Variants in ADAMTS2 observed in about 807,000 individuals in gnomAD.
ADAMTS2 encodes ADAM metallopeptidase with thrombospondin type 1 motif 2.
In ADAMTS2, 50 loss-of-function variants were observed where a neutral mutation model predicts 123.0. The observed-to-expected ratio is 0.41, with a 90% CI of 0.32 to 0.51. The LOEUF (loss-of-function observed/expected upper bound fraction) is 0.51, where lower values mean the gene tolerates loss of function less well. Ranked by LOEUF, ADAMTS2 falls within the 20% of genes least tolerant of loss-of-function variation. The pLI, the probability that ADAMTS2 is intolerant of heterozygous loss-of-function variation, is 0.35. For missense variants in ADAMTS2, 1,494 were observed against 1,705.2 expected, an observed-to-expected ratio of 0.88 and a Z score of 2.18; for synonymous variants, 678 against 695.4, an observed-to-expected ratio of 0.98 and a Z score of 0.39.
chr5:179,230,211 G>A (rs1207874227), intron 3 of ADAMTS2, among the ~76,000 whole-genome samples: 2 of 152,300 alleles, frequency 1.3e-5, no homozygotes, highest in East Asian at 3.9e-4. Context: ...GCGTGAGGTG[G>A]GCAGGCAGGG....
chr5:179,168,892 A>T lies in ADAMTS2; in HGVS notation c.976-10013T>A, dbSNP rs933995669. Among the ~76,000 whole-genome samples the T allele has an allele frequency of 3.3e-5, 5 of 152,216 alleles. No individual in the cohort carries two copies. In the South Asian group the frequency reaches 6.2e-4, roughly 19 times the overall value. On this transcript the variant is annotated intron_variant, in intron 5 of 21. Transcript: ENST00000251582. ...ACGAGAGCTGGGGCAGGAGGCGTGC[A>T]CCTCATTTCTCTGCCAGAACTCCCA...
At chr5:179,196,044 A>C (rs1764423821) in intron 4 of ADAMTS2, among the ~76,000 whole-genome samples, 1 of 152,152 alleles carries the variant, frequency 6.6e-6, no homozygotes, top group South Asian at 2.1e-4. Flanking sequence ...CGACCAGCTG[A>C]AAACACTCCT....
chr5:179,131,652 C>T (rs1762965023), intron 15 of ADAMTS2, among the ~76,000 whole-genome samples: 1 of 152,096 alleles, frequency 6.6e-6, no homozygotes, highest in Admixed American at 6.5e-5. Flanking sequence ...GAGAGCCTCC[C>T]GCGTGGCCTG....
chr5:179,147,790 A>G (rs1581152446), intron 10 of ADAMTS2, among the ~76,000 whole-genome samples: 1 of 152,214 alleles, frequency 6.6e-6, no homozygotes, highest in African/African-American at 2.4e-5. Flanking sequence ...AGGCCATTCT[A>G]ATGGCACCCA....
intron 3 of ADAMTS2, among the ~76,000 whole-genome samples, chr5:179,208,143 A>T (rs1764757730): frequency 2.4e-5 from 2 of 84,236 alleles, no homozygotes; most frequent in Non-Finnish European, 4.4e-5. Flanking sequence ...GGGCAGAGCC[A>T]CCCCTTGCCC....
intron 3 of ADAMTS2, among the ~76,000 whole-genome samples, chr5:179,255,206 G>T (rs1205422281): frequency 1.3e-5 from 2 of 152,174 alleles, no homozygotes; most frequent in Non-Finnish European, 2.9e-5. Context: ...TGAATGGATG[G>T]ACGGATGACA....
rs1756000462 is a variant in ADAMTS2 at position 179,285,670 on chromosome 5, G to A, written c.535-12606C>T. Among the ~76,000 whole-genome samples the A allele has an allele frequency of 6.6e-6, 1 of 152,178 alleles. No individual in the cohort carries two copies. Among genetic ancestry groups the A allele is most frequent in the Non-Finnish European group, 1.5e-5 (1 of 68,028 alleles). On this transcript the variant is annotated intron_variant, in intron 2 of 21. Transcript: ENST00000251582. The surrounding 1 kb of genome is among the most constrained non-coding windows in gnomAD (Gnocchi z 4.9). ...AGATTCTCTGGCTGACATTTCCCAG[G>A]TCTCGTTCAGCATGAAGCCCACGTC...
At chr5:179,137,714 C>CCCCCCCCAGGG in intron 12 of ADAMTS2, 55 bp downstream of exon 12, 2 of 1,297,872 alleles carry the variant, frequency 1.5e-6, no homozygotes, top group Non-Finnish European at 2.1e-6. Flanking sequence ...CCCCACCCTG[C>CCCCCCCCAGGG]CCACCCTAGG....
At chr5:179,241,738 T>C (rs1679617408) in intron 3 of ADAMTS2, among the ~76,000 whole-genome samples, 2 of 152,262 alleles carry the variant, frequency 1.3e-5, no homozygotes, top group Admixed American at 6.5e-5. Flanking sequence ...AAAGAGATAA[T>C]GCACATGAAG....
intron 3 of ADAMTS2, among the ~76,000 whole-genome samples, chr5:179,227,501 C>T (rs960166575): frequency 6.6e-6 from 1 of 152,160 alleles, no homozygotes; most frequent in Non-Finnish European, 1.5e-5. Flanking sequence ...TGGGTGCTGG[C>T]ACGGCAGTAT....
Position 179,129,375 on chromosome 5 carries a change from T to C in ADAMTS2, c.2457+557A>G, listed in dbSNP as rs1311305240. Among the ~76,000 whole-genome samples the C allele has an allele frequency of 6.6e-6, 1 of 152,226 alleles. No homozygotes were observed. Among genetic ancestry groups the C allele is most frequent in the Non-Finnish European group, 1.5e-5 (1 of 68,044 alleles). On this transcript the variant is annotated intron_variant, in intron 16 of 21. Coordinates refer to ENST00000251582, the MANE Select transcript of ADAMTS2 (RefSeq NM_014244.5). The surrounding 1 kb of genome is among the most constrained non-coding windows in gnomAD (Gnocchi z 4.1). ...CAGAGCATGGGAGCCTTATTTGTGA[T>C]ATGTACCTTTTTTGACAAATAAAAT...
chr5:179,205,786 T>TATTATTATTA (rs141328524), intron 4 of ADAMTS2, among the ~76,000 whole-genome samples: 2 of 150,356 alleles, frequency 1.3e-5, no homozygotes, highest in South Asian at 2.1e-4. Context: ...TTATTATTAT[T>TATTATTATTA]TTTGAGACGG....
Position 179,128,608 on chromosome 5 carries a change from G to A in ADAMTS2, c.2458-490C>T, listed in dbSNP as rs1025349137. On this transcript the variant is annotated intron_variant, in intron 16 of 21. Coordinates refer to ENST00000251582, the MANE Select transcript of ADAMTS2 (RefSeq NM_014244.5). This position sits in a 1 kb window ranked among gnomAD's most constrained non-coding sequence, Gnocchi z 4.9. ...GGGCTTCCCCATGTTGGCCAGGCTG[G>A]TCTTGAACTCCTGACCTCAAGTGAT... 6.6e-6 allele frequency among the ~76,000 whole-genome samples: 1 copy of A among 152,068 alleles called. No individual in the cohort carries two copies. The highest frequency in any genetic ancestry group is 1.5e-5 in the Non-Finnish European group (1 of 68,028).
Position 179,154,058 on chromosome 5 carries a change from C to A in ADAMTS2, c.1373G>T (p.Arg458Leu), listed in dbSNP as rs768230986. 1.1e-5 allele frequency: 17 copies of A among 1,602,458 alleles called. No individual in the cohort carries two copies. Among genetic ancestry groups the A allele is most frequent in the Non-Finnish European group, 1.4e-5 (17 of 1,177,280 alleles). Residue 458 changes from arginine to leucine, a missense_variant, in exon 8 of 22, where the codon CGC (arginine) becomes CTC (leucine). Transcript: ENST00000251582. ...WSRCSQQELS[R>L]YLHSYDCLLD... Reference sequence around the variant, plus strand: ...CATGGGCAGTACTCACTGCAGGTAGCGGCTCAGCTCCTGCTGGCTGCAGCG... The same window carrying A: ...CATGGGCAGTACTCACTGCAGGTAGAGGCTCAGCTCCTGCTGGCTGCAGCG...
intron 5 of ADAMTS2, among the ~76,000 whole-genome samples, chr5:179,159,792 C>T (rs540967296): frequency 3.3e-5 from 5 of 152,280 alleles, no homozygotes; most frequent in Non-Finnish European, 5.9e-5. Flanking sequence ...GAATTGAGAT[C>T]GGATCCCAAG....
At position 179,162,922 on chromosome 5, in the gene ADAMTS2, G is replaced by A. The variant is rs143131191; in HGVS notation, c.976-4043C>T. 3.4e-4 allele frequency among the ~76,000 whole-genome samples: 52 copies of A among 152,332 alleles called. No individual in the cohort carries two copies. In the East Asian group the frequency reaches 9.7e-3, roughly 28 times the overall value. ...GACACTCGCTGGCCCATGAAAGATG[G>A]CGTCTGATCTGGGGGCAGCTGATAT... On this transcript the variant is annotated intron_variant, in intron 5 of 21. Coordinates refer to ENST00000251582, the MANE Select transcript of ADAMTS2 (RefSeq NM_014244.5). This position sits in a 1 kb window ranked among gnomAD's most constrained non-coding sequence, Gnocchi z 5.1.
chr5:179,149,548 G>A (rs1301103493), intron 10 of ADAMTS2, among the ~76,000 whole-genome samples: 4 of 152,190 alleles, frequency 2.6e-5, no homozygotes, highest in Non-Finnish European at 5.9e-5. Flanking sequence ...AAGGAGCCAC[G>A]CAGTGGTCCT....
In ADAMTS2 at chr5:179,138,017, T is replaced by A. The variant is rs867519433; in HGVS notation, c.1776-73A>T. On this transcript the variant is annotated intron_variant, in intron 11 of 21. Coordinates refer to ENST00000251582, the MANE Select transcript of ADAMTS2 (RefSeq NM_014244.5). ...GCAGCACCCGGGTGCCCTTGTGAGA[T>A]CTTTTTAGGGGGGATCCCTAAGTCT... The A allele has an allele frequency of 6.7e-6, 10 of 1,497,736 alleles. No homozygotes were observed. In the Middle Eastern group the frequency reaches 6.8e-4, roughly 102 times the overall value. 92.8% of individuals were successfully genotyped at this position (1,497,736 alleles called of 1,614,324 possible).
chr5:179,181,839 A>G lies in ADAMTS2; in HGVS notation c.892-684T>C, dbSNP rs1465634712. Among the ~76,000 whole-genome samples the G allele has an allele frequency of 6.6e-6, 1 of 152,150 alleles. No individual in the cohort carries two copies. The highest frequency in any genetic ancestry group is 1.5e-5 in the Non-Finnish European group (1 of 68,024). On this transcript the variant is annotated intron_variant, in intron 4 of 21. Transcript: ENST00000251582. The surrounding 1 kb of genome is among the most constrained non-coding windows in gnomAD (Gnocchi z 4.1). ...GTGCCAATGGGCTTCAGCAGATATC[A>G]AAGGGACCCGTGGCACAAAAACAGG...
Sources: gnomAD v4.1 joint callset for allele counts (sites outside exome capture counted in the v4.1 genomes callset) on GRCh38, gnomAD v4.1.1 for gene constraint, Gnocchi (gnomAD v3.1) non-coding constraint, MANE v1.5 for transcripts, NCBI Gene and HGNC (gene_info 2026-07-23, HGNC 2026-07-21) for gene names.